The following SDC2 variants were observed in gnomAD, a reference collection of about 807,000 sequenced individuals.
SDC2 encodes the protein syndecan-2.
Under a neutral mutation model 22.2 loss-of-function variants are expected in SDC2, and 13 were observed. The observed-to-expected ratio is 0.59, with a 90% confidence interval of 0.38 to 0.93. The LOEUF (loss-of-function observed/expected upper bound fraction) is 0.93. SDC2 is among the 40% of genes least tolerant of loss of function. The pLI, the probability that SDC2 is intolerant of heterozygous loss-of-function variation, is 0.00. For synonymous variants in SDC2, 94 were observed against 92.8 expected (o/e 1.01, Z -0.07); for missense variants, 235 against 246.8 (o/e 0.95, Z 0.32).
chr8:96,590,686 A>C (rs1814766410), intron 1 of SDC2, among the ~76,000 whole-genome samples: 2 of 152,094 alleles, frequency 1.3e-5, no homozygotes, highest in South Asian at 4.1e-4. Context: ...ATTATCTGCT[A>C]CAGAGTGAAA....
intron 1 of SDC2, among the ~76,000 whole-genome samples, chr8:96,531,777 A>C (rs1230858967): frequency 6.6e-6 from 1 of 152,194 alleles, no homozygotes; most frequent in Non-Finnish European, 1.5e-5. Flanking sequence ...CTTCAACCCC[A>C]TGATGATTCA....
intron 1 of SDC2, among the ~76,000 whole-genome samples, chr8:96,567,109 T>C (rs1175427504): frequency 5.3e-5 from 8 of 152,334 alleles, no homozygotes; most frequent in African/African-American, 1.9e-4. Context: ...CTGCCTCGGC[T>C]TCCCAAAGTG....
intron 1 of SDC2, among the ~76,000 whole-genome samples, chr8:96,497,947 G>A (rs1177582921): frequency 6.6e-6 from 1 of 152,156 alleles, no homozygotes; most frequent in African/African-American, 2.4e-5. Flanking sequence ...AATTCTTTTC[G>A]TGGACTAGAG....
intron 1 of SDC2, among the ~76,000 whole-genome samples, chr8:96,511,993 G>A (rs557384706): frequency 1.3e-5 from 2 of 152,268 alleles, no homozygotes; most frequent in South Asian, 2.1e-4. Context: ...GGATAGCTCT[G>A]CTGTGCTCAC....
intron 1 of SDC2, among the ~76,000 whole-genome samples, chr8:96,585,164 A>G (rs1814660809): frequency 1.3e-5 from 2 of 152,234 alleles, no homozygotes; most frequent in Admixed American, 1.3e-4. Context: ...TATTTTTAAA[A>G]AACGTATTGA....
chr8:96,593,579 G>A lies in SDC2; in HGVS notation c.160G>A (p.Ala54Thr). ...TATTGATGACGATGACTACGCTTCT[G>A]CGTCTGGCTCGGGTAAGGTGGCTGC... ...YPIDDDDYAS[A>T]SGSGADEDVE... The change falls in exon 2 of 5, where the codon GCG becomes ACG. Residue 54 changes from alanine to threonine, a missense_variant. Physicochemically the swap from Ala to Thr is moderately conservative, Grantham distance 58 (BLOSUM62 0). Transcript: ENST00000302190. 6.2e-7 allele frequency: 1 copy of A among 1,611,174 alleles called. No homozygotes were observed. Among genetic ancestry groups the A allele is most frequent in the East Asian group, 2.2e-5 (1 of 44,870 alleles).
chr8:96,528,665 A>C (rs1205888798), intron 1 of SDC2, among the ~76,000 whole-genome samples: 1 of 152,118 alleles, frequency 6.6e-6, no homozygotes. Context: ...TCTTTGTTTG[A>C]TTTTAAACAA....
chr8:96,532,649 G>T (rs1813683534), intron 1 of SDC2, among the ~76,000 whole-genome samples: 1 of 151,924 alleles, frequency 6.6e-6, no homozygotes, highest in Non-Finnish European at 1.5e-5. Flanking sequence ...AGTTATCACT[G>T]CCACCCCCAT....
At chr8:96,515,060 G>A (rs898054203) in intron 1 of SDC2, among the ~76,000 whole-genome samples, 3 of 152,182 alleles carry the variant, frequency 2.0e-5, no homozygotes, top group Non-Finnish European at 4.4e-5. Context: ...GTTCTTATAG[G>A]CTGGCCTTTC....
At chr8:96,500,021 A>T (rs762777714) in intron 1 of SDC2, among the ~76,000 whole-genome samples, 2 of 152,144 alleles carry the variant, frequency 1.3e-5, no homozygotes, top group Admixed American at 6.5e-5. Context: ...CACGCTGGCC[A>T]CTGAAGGCAT....
intron 1 of SDC2, among the ~76,000 whole-genome samples, chr8:96,510,508 AAC>A (rs1308624247): frequency 1.3e-5 from 2 of 152,216 alleles, no homozygotes; most frequent in African/African-American, 4.8e-5. Flanking sequence ...TCACTTCTAA[AAC>A]ACACAATTTG....
At chr8:96,544,461 A>T (rs1272392315) in intron 1 of SDC2, among the ~76,000 whole-genome samples, 5 of 152,102 alleles carry the variant, frequency 3.3e-5, no homozygotes, top group African/African-American at 1.2e-4. Flanking sequence ...ATCCTTCAAG[A>T]ACTACCTGAA....
At chr8:96,609,263 T>C (rs1684076867) in intron 4 of SDC2, 122 bp from the exon 5 acceptor site, 1 of 756,880 alleles carries the variant, frequency 1.3e-6, no homozygotes, top group African/African-American at 1.8e-5. Flanking sequence ...CCAGCTTTTT[T>C]TTTATTGGGG....
chr8:96,510,437 T>A (rs1245986290), intron 1 of SDC2, among the ~76,000 whole-genome samples: 1 of 152,204 alleles, frequency 6.6e-6, no homozygotes, highest in Non-Finnish European at 1.5e-5. Flanking sequence ...CAGCCCATCA[T>A]CTAATCTATT....
At chr8:96,548,360 A>G (rs919678762) in intron 1 of SDC2, among the ~76,000 whole-genome samples, 1 of 152,210 alleles carries the variant, frequency 6.6e-6, no homozygotes, top group African/African-American at 2.4e-5. Flanking sequence ...CTTCTTGAGC[A>G]CTGACATAAT....
chr8:96,603,965 A>G (rs942032878), intron 3 of SDC2, among the ~76,000 whole-genome samples: 14 of 152,182 alleles, frequency 9.2e-5, no homozygotes, highest in Admixed American at 7.9e-4. Flanking sequence ...AGAAAGGGAG[A>G]AATGAAAAGT....
chr8:96,574,958 G>A (rs1275500771), intron 1 of SDC2, among the ~76,000 whole-genome samples: 7 of 152,160 alleles, frequency 4.6e-5, no homozygotes, highest in Non-Finnish European at 1.0e-4. Context: ...TTCTCACAAG[G>A]AGCGTGCAAC....
chr8:96,579,001 C>T (rs185580597), intron 1 of SDC2, among the ~76,000 whole-genome samples: 1 of 152,320 alleles, frequency 6.6e-6, no homozygotes, highest in African/African-American at 2.4e-5. Flanking sequence ...GGAATTGTAG[C>T]TCAGTCCCTT....
chr8:96,577,047 G>T (rs1814516864), intron 1 of SDC2, among the ~76,000 whole-genome samples: 1 of 152,170 alleles, frequency 6.6e-6, no homozygotes, highest in Non-Finnish European at 1.5e-5. Flanking sequence ...GTACACAAAT[G>T]AGCTATTTTC....
Sources: gnomAD v4.1 joint callset for allele counts (sites outside exome capture counted in the v4.1 genomes callset) on GRCh38, gnomAD v4.1.1 for gene constraint, MANE v1.5 for transcripts, NCBI Gene and HGNC (gene_info 2026-07-23, HGNC 2026-07-21) for gene names.